Variants in FAM163A observed in about 807,000 individuals in gnomAD.
The protein encoded by FAM163A is family with sequence similarity 163 member A, also known as protein FAM163A.
FAM163A carries 7 observed loss-of-function variants against 12.0 expected under a neutral mutation model. The observed-to-expected ratio is 0.58, with a 90% CI of 0.33 to 1.10. FAM163A has a LOEUF of 1.10. Ranked by LOEUF, FAM163A falls within the 50% of genes least tolerant of loss-of-function variation. The pLI, the probability that FAM163A is intolerant of heterozygous loss-of-function variation, is 0.03. For synonymous variants in FAM163A, 101 were observed against 91.0 expected, an observed-to-expected ratio of 1.11 and a Z score of -0.62; for missense variants, 202 against 218.6, an observed-to-expected ratio of 0.92 and a Z score of 0.48.
At chr1:179,807,120 G>A (rs1254571913) in intron 1 of FAM163A, among the ~76,000 whole-genome samples, 1 of 152,012 alleles carries the variant, frequency 6.6e-6, no homozygotes, top group East Asian at 1.9e-4. Flanking sequence ...ACTGTCCTGG[G>A]TTAGACTGAT....
chr1:179,755,979 C>T (rs1421204396), intron 1 of FAM163A, among the ~76,000 whole-genome samples: 2 of 152,204 alleles, frequency 1.3e-5, no homozygotes, highest in African/African-American at 4.8e-5. Flanking sequence ...CCCTTTACCC[C>T]AGGTGCTGAT....
At chr1:179,733,808 G>C in the FAM163A span, among the ~76,000 whole-genome samples, 1 of 152,160 alleles carries the variant, frequency 6.6e-6, no homozygotes, top group South Asian at 2.1e-4. Flanking sequence ...TTTGCTGAAG[G>C]CTTGGGAGAA....
At chr1:179,771,558 T>C (rs2148118101) in intron 1 of FAM163A, among the ~76,000 whole-genome samples, 1 of 152,278 alleles carries the variant, frequency 6.6e-6, no homozygotes, top group South Asian at 2.1e-4. Flanking sequence ...ATCTTTGGTC[T>C]GTCCCCTCAT....
At chr1:179,739,170 A>C (rs1190154003), upstream of FAM163A, among the ~76,000 whole-genome samples, 1 of 152,076 alleles carries the variant, frequency 6.6e-6, no homozygotes, top group Non-Finnish European at 1.5e-5. Context: ...ATCTTATACA[A>C]AAATTAACTT....
intron 1 of FAM163A, among the ~76,000 whole-genome samples, chr1:179,768,795 G>A (rs1037477894): frequency 1.1e-4 from 16 of 151,978 alleles, no homozygotes; most frequent in African/African-American, 3.4e-4. Flanking sequence ...TAGTAGAGAC[G>A]GGGTTTCACC....
chr1:179,787,929 C>T (rs1571484468), intron 1 of FAM163A, among the ~76,000 whole-genome samples: 1 of 152,188 alleles, frequency 6.6e-6, no homozygotes, highest in African/African-American at 2.4e-5. Flanking sequence ...AATCTGGGGA[C>T]CGTTACAAAG....
rs546173174 is a variant in FAM163A at position 179,799,996 on chromosome 1, A to C, written c.-135-7802A>C. On this transcript the variant is annotated intron_variant, in intron 1 of 4. Coordinates refer to ENST00000341785, the MANE Select transcript of FAM163A (RefSeq NM_173509.3). Reference sequence around the variant, plus strand: ...CACTCTGCAGCAGAGACATGTGGACAGTGTGGGGGATGGTGGCAAGGAAGA... The same window carrying C: ...CACTCTGCAGCAGAGACATGTGGACCGTGTGGGGGATGGTGGCAAGGAAGA... 2.6e-5 allele frequency among the ~76,000 whole-genome samples: 4 copies of C among 152,336 alleles called. No individual in the cohort carries two copies. In the East Asian group the frequency reaches 7.7e-4, roughly 29 times the overall value.
At chr1:179,800,620 C>T (rs1301130131) in intron 1 of FAM163A, among the ~76,000 whole-genome samples, 2 of 152,202 alleles carry the variant, frequency 1.3e-5, no homozygotes, top group Non-Finnish European at 2.9e-5. Flanking sequence ...TTTCTCTCCG[C>T]GTCCCCTCCT....
chr1:179,733,384 C>T, the FAM163A span, among the ~76,000 whole-genome samples: 1 of 152,002 alleles, frequency 6.6e-6, no homozygotes, highest in African/African-American at 2.4e-5. Flanking sequence ...ATTCCTGGTT[C>T]CCAAGAAATG....
chr1:179,759,944 G>A (rs949514797), intron 1 of FAM163A, among the ~76,000 whole-genome samples: 1 of 152,226 alleles, frequency 6.6e-6, no homozygotes, highest in Non-Finnish European at 1.5e-5. Flanking sequence ...TGACATTACA[G>A]GCATGAGCCA....
intron 1 of FAM163A, among the ~76,000 whole-genome samples, chr1:179,758,888 C>T (rs1686412604): frequency 6.6e-6 from 1 of 152,212 alleles, no homozygotes; most frequent in African/African-American, 2.4e-5. Flanking sequence ...ACCCCAGCTC[C>T]AGCACTATGG....
At chr1:179,730,084 G>C in the FAM163A span, 1 of 152,214 alleles carries the variant, frequency 6.6e-6, no homozygotes, top group Non-Finnish European at 1.5e-5. Context: ...AAGAAAGACA[G>C]GTTAGGTATC....
rs531498435 is a variant in FAM163A, at chr1:179,794,582, A to G, written c.-135-13216A>G. 1.1e-3 allele frequency among the ~76,000 whole-genome samples: 172 copies of G among 152,310 alleles called. 1 individual carries two copies. Among genetic ancestry groups the G allele is most frequent in the African/African-American group, 4.0e-3 (166 of 41,564 alleles). ...AGGCAAACCAAAAATCATTATAACA[A>G]CACTAATTTTAAAAAGACAGTAATC... On this transcript the variant is annotated intron_variant, in intron 1 of 4. Coordinates refer to ENST00000341785, the MANE Select transcript of FAM163A (RefSeq NM_173509.3).
chr1:179,804,590 G>A (rs1693654514), intron 1 of FAM163A, among the ~76,000 whole-genome samples: 2 of 152,260 alleles, frequency 1.3e-5, no homozygotes, highest in Non-Finnish European at 2.9e-5. Context: ...TAAAGAAAAT[G>A]TGGTACATAT....
intron 1 of FAM163A, among the ~76,000 whole-genome samples, chr1:179,754,742 G>A (rs1273300900): frequency 1.3e-5 from 2 of 152,198 alleles, no homozygotes; most frequent in Non-Finnish European, 2.9e-5. Context: ...GTAGCCTGGT[G>A]TACTGCCTGC....
chr1:179,739,044 A>T (rs1683325517), upstream of FAM163A, among the ~76,000 whole-genome samples: 1 of 152,196 alleles, frequency 6.6e-6, no homozygotes, highest in African/African-American at 2.4e-5. Context: ...TTCTTGACAA[A>T]GGTGCAAAAG....
At chr1:179,803,480 A>G (rs1571562288) in intron 1 of FAM163A, among the ~76,000 whole-genome samples, 1 of 152,064 alleles carries the variant, frequency 6.6e-6, no homozygotes, top group Non-Finnish European at 1.5e-5. Flanking sequence ...GGAGTGAGAG[A>G]CCCATTTCCC....
In FAM163A at chr1:179,804,486, C is replaced by T. The variant is rs1693638133; in HGVS notation, c.-135-3312C>T. On this transcript the variant is annotated intron_variant, in intron 1 of 4. Coordinates refer to ENST00000341785, the MANE Select transcript of FAM163A (RefSeq NM_173509.3). ...ATGAAGATATTGTAAATCATTCTAT[C>T]GTAAAGACACATGCACACATGTGCT... 2.6e-5 allele frequency among the ~76,000 whole-genome samples: 4 copies of T among 152,282 alleles called. No individual in the cohort carries two copies. In the South Asian group the frequency reaches 8.3e-4, roughly 32 times the overall value.
At chr1:179,730,868 A>G in the FAM163A span, among the ~76,000 whole-genome samples, 1 of 152,226 alleles carries the variant, frequency 6.6e-6, no homozygotes, top group Non-Finnish European at 1.5e-5. Context: ...GTTGGTAGGG[A>G]AAACAACAGG....
Sources: allele counts gnomAD v4.1 joint callset (sites outside exome capture counted in the v4.1 genomes callset), GRCh38; gene constraint gnomAD v4.1.1; transcripts MANE v1.5; gene names NCBI Gene and HGNC (gene_info 2026-07-23, HGNC 2026-07-21).